CACNB2: variants seen among roughly 807,000 people sequenced by gnomAD.
CACNB2 encodes the protein calcium voltage-gated channel auxiliary subunit beta 2, also known as voltage-dependent L-type calcium channel subunit beta-2.
In CACNB2, 42 loss-of-function variants were observed where a neutral mutation model predicts 73.3. That is an observed-to-expected ratio of 0.57 (90% CI 0.45 to 0.74). The LOEUF is 0.74. CACNB2 is among the 30% of genes least tolerant of loss of function. CACNB2 has a pLI of 0.00. For missense variants in CACNB2, 940 were observed against 853.0 expected, an observed-to-expected ratio of 1.10 and a Z score of -1.27; for synonymous variants, 348 against 310.3, an observed-to-expected ratio of 1.12 and a Z score of -1.28.
chr10:18,513,508 C>T (rs563474040), intron 6 of CACNB2: 64 of 318,312 alleles, frequency 2.0e-4, no homozygotes, highest in South Asian at 1.8e-3. Context: ...TGCAAAGCTT[C>T]GTGAACCACC....
chr10:18,237,692 A>G (rs1057205621), intron 2 of CACNB2, among the ~76,000 whole-genome samples: 6 of 152,214 alleles, frequency 3.9e-5, no homozygotes, highest in African/African-American at 1.4e-4. Flanking sequence ...ATGGTTCTTC[A>G]GGTGCATCAA....
intron 3 of CACNB2, among the ~76,000 whole-genome samples, chr10:18,487,816 G>A (rs900287045): frequency 6.9e-6 from 1 of 144,228 alleles, no homozygotes; most frequent in South Asian, 2.3e-4. Context: ...TCCAGCCTGG[G>A]CAACAGAGCA....
At chr10:18,502,716 A>C (rs78602470) in intron 5 of CACNB2, among the ~76,000 whole-genome samples, 4 of 146,506 alleles carry the variant, frequency 2.7e-5, no homozygotes, top group Non-Finnish European at 1.5e-5. Context: ...AAAAAAAAAA[A>C]AAAAAAAACC....
intron 1 of CACNB2, among the ~76,000 whole-genome samples, chr10:18,145,180 G>A (rs1470658069): frequency 6.6e-6 from 1 of 152,170 alleles, no homozygotes. Context: ...TGGTAATACA[G>A]CCTGGTGATG....
chr10:18,331,178 G>T (rs930324375), intron 2 of CACNB2, among the ~76,000 whole-genome samples: 1 of 151,830 alleles, frequency 6.6e-6, no homozygotes. Flanking sequence ...TAGAGACGGG[G>T]TTTCACCATG....
In CACNB2 at chr10:18,182,412, C is replaced by CT. The variant is rs2033933766; in HGVS notation, c.213+31440dup. ...GTAACATTTTATAGCAATCCGAAAA[C>CT]TTTGAGTTCAATAATAATTCATTAT... On this transcript the variant is annotated intron_variant, in intron 2 of 13. Transcript: ENST00000324631. Among the ~76,000 whole-genome samples, 4 of 151,810 alleles carry CT rather than the reference C, an allele frequency of 2.6e-5. No homozygotes were observed. The South Asian group carries it at 6.3e-4, about 24-fold the overall frequency.
Position 18,479,767 on chromosome 10 carries a change from G to A in CACNB2, c.334-18588G>A, listed in dbSNP as rs185857730. On this transcript the variant is annotated intron_variant, in intron 3 of 13. Transcript: ENST00000324631. ...GATAAGACATGCTTGCTTCCCCTTT[G>A]GTCATGATTGTAAGTTTCCTGAGGC... Among the ~76,000 whole-genome samples, 253 of 152,176 alleles carry A rather than the reference G, an allele frequency of 1.7e-3. 1 individual carries two copies. The highest frequency in any genetic ancestry group is 5.9e-3 in the Admixed American group (90 of 15,272).
chr10:18,229,802 G>C (rs1335632444), intron 2 of CACNB2, among the ~76,000 whole-genome samples: 1 of 152,066 alleles, frequency 6.6e-6, no homozygotes, highest in Non-Finnish European at 1.5e-5. Context: ...TTTTTAGAAG[G>C]ATGTTTATGG....
chr10:18,215,145 G>T (rs11013039), intron 2 of CACNB2, among the ~76,000 whole-genome samples: 1 of 152,050 alleles, frequency 6.6e-6, no homozygotes, highest in Middle Eastern at 3.2e-3. Flanking sequence ...TATTCATGGG[G>T]GCAGTGACAT....
chr10:18,394,397 GA>G lies in CACNB2; in HGVS notation c.214-7521del, dbSNP rs1174277334. Among the ~76,000 whole-genome samples the G allele has an allele frequency of 2.3e-4, 35 of 152,214 alleles. No homozygotes were observed. The South Asian group carries it at 6.6e-3, about 29-fold the overall frequency. ...TGGCTATACCTATGACCAACAAACA[GA>G]AAAAACATATGCTTTTGATTAACAA... On this transcript the variant is annotated intron_variant, in intron 2 of 13. Coordinates refer to ENST00000324631, the MANE Select transcript of CACNB2 (RefSeq NM_201596.3).
At chr10:18,376,056 A>G (rs1425419110) in intron 2 of CACNB2, among the ~76,000 whole-genome samples, 1 of 152,232 alleles carries the variant, frequency 6.6e-6, no homozygotes, top group Non-Finnish European at 1.5e-5. Context: ...TGTTTATTGC[A>G]GCACTATTCA....
chr10:18,501,018 G>A, intron 5 of CACNB2, 70 bp downstream of exon 5: 2 of 1,386,508 alleles, frequency 1.4e-6, no homozygotes, highest in Admixed American at 1.7e-5. Context: ...GTTGTCTGCT[G>A]TATTCTGTAT....
intron 3 of CACNB2, among the ~76,000 whole-genome samples, chr10:18,466,699 T>C (rs890326374): frequency 6.6e-6 from 1 of 152,184 alleles, no homozygotes; most frequent in African/African-American, 2.4e-5. Flanking sequence ...TTAATGGGAC[T>C]TCACAATCTT....
intron 2 of CACNB2, among the ~76,000 whole-genome samples, chr10:18,213,385 A>G (rs1437721389): frequency 6.6e-6 from 1 of 152,206 alleles, no homozygotes; most frequent in African/African-American, 2.4e-5. Flanking sequence ...TGTGAATCAC[A>G]GTCACTGTAG....
chr10:18,194,158 T>A (rs2034527390), intron 2 of CACNB2, among the ~76,000 whole-genome samples: 1 of 152,168 alleles, frequency 6.6e-6, no homozygotes, highest in Non-Finnish European at 1.5e-5. Flanking sequence ...GTTCCTTTCC[T>A]GTCATCTGAG....
intron 3 of CACNB2, among the ~76,000 whole-genome samples, chr10:18,424,746 A>C (rs1184058956): frequency 6.6e-6 from 1 of 152,106 alleles, no homozygotes; most frequent in South Asian, 2.1e-4. Context: ...TTCTTTTGAG[A>C]CTGCTTTTTT....
chr10:18,215,922 A>G (rs535086398), intron 2 of CACNB2, among the ~76,000 whole-genome samples: 14 of 152,248 alleles, frequency 9.2e-5, no homozygotes, highest in Non-Finnish European at 1.6e-4. Context: ...CTCTGTGAAC[A>G]ATTGTGCTTA....
At chr10:18,142,534 C>T (rs903688959) in intron 1 of CACNB2, among the ~76,000 whole-genome samples, 1 of 152,142 alleles carries the variant, frequency 6.6e-6, no homozygotes, top group East Asian at 1.9e-4. Flanking sequence ...TATCAGTATT[C>T]GAGTCCTCCA....
intron 2 of CACNB2, among the ~76,000 whole-genome samples, chr10:18,381,631 T>C (rs897256981): frequency 7.0e-6 from 1 of 142,894 alleles, no homozygotes; most frequent in South Asian, 2.1e-4. Context: ...GAGGTTGCAG[T>C]GAGCCGAGAT....
Sources: allele counts gnomAD v4.1 joint callset (sites outside exome capture counted in the v4.1 genomes callset), GRCh38; gene constraint gnomAD v4.1.1; transcripts MANE v1.5; gene names NCBI Gene and HGNC (gene_info 2026-07-23, HGNC 2026-07-21).